The following ITPR2 variants were observed in gnomAD, a reference collection of about 807,000 sequenced individuals.
The protein encoded by ITPR2 is inositol 1,4,5-trisphosphate-gated calcium channel ITPR2.
ITPR2 carries 207 observed loss-of-function variants against 317.1 expected under a neutral mutation model. The observed-to-expected ratio is 0.65, with a 90% CI of 0.58 to 0.73. ITPR2 has a LOEUF of 0.73. Among genes scored for constraint, ITPR2 ranks in the 30% least tolerant of loss-of-function variants. The pLI, the probability that ITPR2 is intolerant of heterozygous loss-of-function variation, is 0.00. For synonymous variants in ITPR2, 1,156 were observed against 1,149.1 expected (o/e 1.01, Z -0.12); for missense variants, 2,613 against 3,284.0 (o/e 0.80, Z 4.99).
intron 51 of ITPR2, 72 bp from the exon 52 acceptor site, chr12:26,411,484 A>G (rs1940549480): frequency 9.9e-7 from 1 of 1,006,928 alleles, no homozygotes; most frequent in African/African-American, 1.6e-5. Context: ...CTACAGTTCT[A>G]AAGATATGTA....
intron 45 of ITPR2, among the ~76,000 whole-genome samples, chr12:26,459,338 G>A (rs540508899): frequency 6.6e-6 from 1 of 152,204 alleles, no homozygotes; most frequent in Non-Finnish European, 1.5e-5. Flanking sequence ...GCTTAAGATA[G>A]AGATGGCTGA....
chr12:26,828,759 G>A (rs1341963703), intron 1 of ITPR2, among the ~76,000 whole-genome samples: 1 of 152,210 alleles, frequency 6.6e-6, no homozygotes, highest in African/African-American at 2.4e-5. Context: ...AAATACATCA[G>A]TTTAAATTAG....
intron 46 of ITPR2, 72 bp from the exon 47 acceptor site, chr12:26,439,391 A>G (rs1941434307): frequency 1.8e-6 from 2 of 1,102,588 alleles, no homozygotes; most frequent in Admixed American, 2.6e-5. Context: ...TGTTTTTAAC[A>G]TGAGTTTACT....
chr12:26,715,573 C>T (rs1948725440), intron 7 of ITPR2, 128 bp from the exon 8 acceptor site: 2 of 887,166 alleles, frequency 2.3e-6, no homozygotes, highest in Non-Finnish European at 3.4e-6. Context: ...TTATTTAATG[C>T]TTATTTAAAC....
intron 21 of ITPR2, among the ~76,000 whole-genome samples, chr12:26,643,483 G>C (rs1947038664): frequency 6.6e-6 from 1 of 152,186 alleles, no homozygotes; most frequent in African/African-American, 2.4e-5. Flanking sequence ...GAGAGGAGGA[G>C]AGCTACAGAG....
rs1289532251 is a variant in ITPR2, at chr12:26,832,773, C to A, written c.9G>T (p.Glu3Asp). 3.1e-6 allele frequency: 5 copies of A among 1,600,714 alleles called. No homozygotes were observed. The highest frequency in any genetic ancestry group is 4.3e-6 in the Non-Finnish European group (5 of 1,174,048). Residue 3 changes from glutamate (E) to aspartate (D), a missense_variant, in exon 1 of 57, where the codon GAG becomes GAT. Physicochemically the swap from Glu to Asp is conservative, Grantham distance 45. This residue lies in a region of ITPR2 where 515 missense variants were observed against 789.4 expected (regional missense o/e 0.65). Transcript: ENST00000381340. MT[E>D]KMSSFLYIGD... The stretch of plus-strand genomic sequence containing the variant: ...CTATGTAGAGGAAGCTGGACATTTT[C>A]TCAGTCATGCTGCTTCATGTTCCAC...
At chr12:26,371,242 C>G (rs953018427) in intron 55 of ITPR2, among the ~76,000 whole-genome samples, 10 of 152,210 alleles carry the variant, frequency 6.6e-5, no homozygotes, top group Non-Finnish European at 1.2e-4. Flanking sequence ...TTCCCTTTCT[C>G]CTAAATACTC....
chr12:26,621,034 A>T (rs1946479969), intron 26 of ITPR2, 89 bp downstream of exon 26: 2 of 1,234,828 alleles, frequency 1.6e-6, no homozygotes, highest in African/African-American at 3.1e-5. Context: ...ATTTTTCTTT[A>T]TGAACAATTT....
At chr12:26,717,276 G>A (rs1262296508) in intron 5 of ITPR2, among the ~76,000 whole-genome samples, 1 of 152,292 alleles carries the variant, frequency 6.6e-6, no homozygotes, top group East Asian at 1.9e-4. Context: ...TCTCCATGTA[G>A]TGTATCTTAA....
intron 23 of ITPR2, among the ~76,000 whole-genome samples, chr12:26,625,585 G>A (rs914518980): frequency 3.9e-5 from 6 of 152,228 alleles, no homozygotes; most frequent in East Asian, 1.9e-4. Flanking sequence ...TTAAACTAAT[G>A]TATTGCTGTA....
At chr12:26,417,951 T>C (rs1193134909) in intron 50 of ITPR2, among the ~76,000 whole-genome samples, 35 of 152,238 alleles carry the variant, frequency 2.3e-4, no homozygotes, top group Admixed American at 2.2e-3. Flanking sequence ...TATCACTGAC[T>C]GGTTAAAAAA....
chr12:26,697,260 C>A (rs908102556), intron 9 of ITPR2, among the ~76,000 whole-genome samples: 1 of 152,122 alleles, frequency 6.6e-6, no homozygotes, highest in African/African-American at 2.4e-5. Flanking sequence ...TCCACTCAAC[C>A]CTCTGGTTCT....
At chr12:26,635,124 T>C (rs995867688) in intron 21 of ITPR2, among the ~76,000 whole-genome samples, 5 of 152,120 alleles carry the variant, frequency 3.3e-5, no homozygotes, top group African/African-American at 1.2e-4. Context: ...TACTGCCCAT[T>C]TCAGGAAAGT....
At chr12:26,615,909 G>C (rs7134483) in intron 26 of ITPR2, among the ~76,000 whole-genome samples, 53,682 of 151,680 alleles carry the variant, frequency 0.35, 10,449 homozygotes, top group African/African-American at 0.52. Context: ...AGCTTGATTT[G>C]CCAGTCATCT....
intron 55 of ITPR2, among the ~76,000 whole-genome samples, chr12:26,369,912 G>A (rs139446191): frequency 2.0e-5 from 3 of 152,230 alleles, no homozygotes; most frequent in African/African-American, 7.2e-5. Context: ...TGAAACCCCT[G>A]TGAAAACTTT....
At chr12:26,615,658 T>A (rs1399836131) in intron 26 of ITPR2, among the ~76,000 whole-genome samples, 1 of 151,970 alleles carries the variant, frequency 6.6e-6, no homozygotes, top group African/African-American at 2.4e-5. Context: ...TAATCAGAAG[T>A]GAGGGGAAAT....
intron 21 of ITPR2, among the ~76,000 whole-genome samples, chr12:26,648,049 C>A (rs1947155400): frequency 6.6e-6 from 1 of 152,154 alleles, no homozygotes; most frequent in Admixed American, 6.5e-5. Context: ...GGACAACTTA[C>A]AATGACACTG....
At chr12:26,768,585 A>AAC (rs1949780982) in intron 2 of ITPR2, among the ~76,000 whole-genome samples, 1 of 144,136 alleles carries the variant, frequency 6.9e-6, no homozygotes, top group South Asian at 2.2e-4. Flanking sequence ...AAAAAAAAAA[A>AAC]AAAAAAAAAA....
At chr12:26,513,437 T>C (rs1943408387) in intron 37 of ITPR2, among the ~76,000 whole-genome samples, 1 of 152,124 alleles carries the variant, frequency 6.6e-6, no homozygotes, top group Admixed American at 6.5e-5. Flanking sequence ...CATTAGCTAG[T>C]TTTACCTTAA....
Sources: allele counts gnomAD v4.1 joint callset (sites outside exome capture counted in the v4.1 genomes callset), GRCh38; gene constraint gnomAD v4.1.1; regional missense constraint gnomAD v4.1.1; transcripts MANE v1.5; gene names NCBI Gene and HGNC (gene_info 2026-07-23, HGNC 2026-07-21).